Variants in GRAMD4 observed in about 807,000 individuals in gnomAD.
GRAMD4 encodes the protein GRAM domain-containing protein 4.
A neutral mutation model predicts 83.9 loss-of-function variants in GRAMD4; 25 were observed. That is an observed-to-expected ratio of 0.30 (90% CI 0.22 to 0.42). The LOEUF is 0.42. GRAMD4 is among the 10% of genes least tolerant of loss of function. The pLI is 1.00. For synonymous variants in GRAMD4, 336 were observed against 320.9 expected, an observed-to-expected ratio of 1.05 and a Z score of -0.50; for missense variants, 593 against 788.7, an observed-to-expected ratio of 0.75 and a Z score of 2.97.
At chr22:46,627,254 G>A (rs966911771) in intron 2 of GRAMD4, among the ~76,000 whole-genome samples, 13 of 152,236 alleles carry the variant, frequency 8.5e-5, no homozygotes, top group African/African-American at 2.7e-4. Context: ...CGGAAGCCTC[G>A]GCCTGGCCCT....
At chr22:46,668,250 AG>A (rs2082441279) in intron 11 of GRAMD4, 83 bp downstream of exon 11, 1 of 955,926 alleles carries the variant, frequency 1.0e-6, no homozygotes, top group African/African-American at 1.6e-5. Flanking sequence ...GGCCAGGGGT[AG>A]GTCTCCGCCG....
rs2082619034 is a variant in GRAMD4, at chr22:46,677,652, T to C, written c.*401T>C. The C allele has an allele frequency of 1.0e-6, 1 of 996,526 alleles. No homozygotes were observed. The highest frequency in any genetic ancestry group is 1.2e-6 in the Non-Finnish European group (1 of 836,718). The allele number at this position is 996,526 out of a possible 1,614,324, so 61.7% of individuals were successfully genotyped here. ...GTCCCGCTCTCCAGAGGCCAGAAGC[T>C]CGTCCACCACCAAAGCCATAGCTGA... On this transcript the variant is annotated 3_prime_UTR_variant, in exon 19 of 19. Transcript: ENST00000406902.
In GRAMD4 at chr22:46,663,191, G is replaced by A. The variant is rs1191358267; in HGVS notation, c.599+19G>A. ...CCCGCAGGTAGGGGTTCGCCGAGCT[G>A]GGGCTGCCTGTGCGTTAGGGGCCCC... On this transcript the variant is annotated intron_variant, in intron 6 of 18. Transcript: ENST00000406902. The A allele has an allele frequency of 6.2e-7, 1 of 1,604,116 alleles. No homozygotes were observed. The highest frequency in any genetic ancestry group is 2.2e-5 in the East Asian group (1 of 44,684).
chr22:46,583,843 G>A (rs1019489176), intron 1 of GRAMD4, among the ~76,000 whole-genome samples: 9 of 152,190 alleles, frequency 5.9e-5, no homozygotes, highest in African/African-American at 2.2e-4. Context: ...TTCCAGTACT[G>A]TTGCCTTTGG....
At chr22:46,654,815 G>A (rs2082218800) in intron 3 of GRAMD4, among the ~76,000 whole-genome samples, 1 of 152,212 alleles carries the variant, frequency 6.6e-6, no homozygotes, top group African/African-American at 2.4e-5. Context: ...CACCGGGGTG[G>A]TCCCTCCTCC....
chr22:46,674,080 T>G (rs2082557079), intron 15 of GRAMD4, among the ~76,000 whole-genome samples: 1 of 152,104 alleles, frequency 6.6e-6, no homozygotes, highest in Non-Finnish European at 1.5e-5. Context: ...GGCAACACAC[T>G]GGGGAGAGAG....
intron 10 of GRAMD4, among the ~76,000 whole-genome samples, 188 bp downstream of exon 10, chr22:46,667,061 G>A (rs994086665): frequency 6.6e-6 from 1 of 152,228 alleles, no homozygotes; most frequent in African/African-American, 2.4e-5. Context: ...CTGCGAGGCT[G>A]CAAGCCCGGC....
intron 8 of GRAMD4, among the ~76,000 whole-genome samples, chr22:46,665,099 T>C (rs530349271): frequency 6.6e-6 from 1 of 152,364 alleles, no homozygotes; most frequent in Admixed American, 6.5e-5. Context: ...CTGTGCCATG[T>C]CTGTTGTCAC....
Position 46,677,961 on chromosome 22 carries a change from C to T in GRAMD4, c.*710C>T, listed in dbSNP as rs554626634. On this transcript the variant is annotated 3_prime_UTR_variant, in exon 19 of 19. Transcript: ENST00000406902. ...TTGCTGGCCTCCAGGGCGCTCAGCA[C>T]CGCGTCTGTAAGGGCCTGCCTGCTG... The T allele has an allele frequency of 2.0e-6, 2 of 985,306 alleles. No individual in the cohort carries two copies. The highest frequency in any genetic ancestry group is 2.4e-6 in the Non-Finnish European group (2 of 829,850). 61.0% of individuals were successfully genotyped at this position (985,306 alleles called of 1,614,324 possible). A position where few individuals can be genotyped will look rare whatever the true frequency, so the allele number is the denominator to read the frequency against.
intron 2 of GRAMD4, among the ~76,000 whole-genome samples, chr22:46,628,961 G>A (rs1051310636): frequency 3.3e-5 from 5 of 152,040 alleles, no homozygotes; most frequent in African/African-American, 1.2e-4. Flanking sequence ...GGTGGTCCAC[G>A]AGGTACAAGG....
intron 1 of GRAMD4, among the ~76,000 whole-genome samples, chr22:46,582,923 T>C (rs2081112248): frequency 6.6e-6 from 1 of 152,170 alleles, no homozygotes; most frequent in South Asian, 2.1e-4. Context: ...TGACCACCTT[T>C]CTCTCTCTTT....
At position 46,679,333 on chromosome 22, in the gene GRAMD4, C is replaced by T. The variant is rs1025569874; in HGVS notation, c.*2082C>T. 1.9e-4 allele frequency: 187 copies of T among 984,998 alleles called. No individual in the cohort carries two copies. Among genetic ancestry groups the T allele is most frequent in the Non-Finnish European group, 2.2e-4 (181 of 829,924 alleles). 61.0% of individuals were successfully genotyped at this position (984,998 alleles called of 1,614,324 possible). ...GAGAAAGGGAGATGAAAACTGACCA[C>T]GTGCCAGGTGTGGCCGAAGCCCCCA... On this transcript the variant is annotated 3_prime_UTR_variant, in exon 19 of 19. Coordinates refer to ENST00000406902, the MANE Select transcript of GRAMD4 (RefSeq NM_015124.5).
At chr22:46,648,836 A>G (rs2082118045) in intron 3 of GRAMD4, among the ~76,000 whole-genome samples, 1 of 145,438 alleles carries the variant, frequency 6.9e-6, no homozygotes, top group African/African-American at 2.6e-5. Flanking sequence ...GGATGGATGG[A>G]TGGATGGATG....
intron 3 of GRAMD4, among the ~76,000 whole-genome samples, chr22:46,640,479 C>T (rs541892795): frequency 1.1e-4 from 16 of 152,202 alleles, no homozygotes; most frequent in Admixed American, 2.6e-4. Context: ...GAGCAGATCC[C>T]GGAGGAAATG....
upstream of GRAMD4, among the ~76,000 whole-genome samples, chr22:46,618,321 C>G (rs571908974): frequency 9.9e-5 from 15 of 152,166 alleles, no homozygotes; most frequent in African/African-American, 3.6e-4. This position sits in a 1 kb window ranked among gnomAD's most constrained non-coding sequence, Gnocchi z 5.8. Flanking sequence ...GAGGCACAAG[C>G]GCTAAACAAG....
intron 1 of GRAMD4, among the ~76,000 whole-genome samples, chr22:46,614,431 T>G (rs1437950456): frequency 6.6e-6 from 1 of 152,264 alleles, no homozygotes; most frequent in Non-Finnish European, 1.5e-5. Flanking sequence ...TGTGAAAATA[T>G]TCTGCCATTG....
exon 1 of GRAMD4, chr22:46,577,123 GCGCCGC>G (rs968662224): frequency 3.3e-4 from 65 of 199,450 alleles, no homozygotes; most frequent in Admixed American, 7.5e-4. Context: ...GCGCGACCTG[GCGCCGC>G]CGCCGCCTCC....
At chr22:46,589,850 C>G (rs2081189156) in intron 1 of GRAMD4, among the ~76,000 whole-genome samples, 1 of 152,160 alleles carries the variant, frequency 6.6e-6, no homozygotes, top group East Asian at 1.9e-4. Context: ...TGCTCCCCAG[C>G]AGCCTGACTG....
At chr22:46,603,717 T>C (rs1375242193) in intron 1 of GRAMD4, among the ~76,000 whole-genome samples, 17 of 138,262 alleles carry the variant, frequency 1.2e-4, no homozygotes, top group South Asian at 4.7e-4. Context: ...GGGGTTTCAA[T>C]GTGTTAGCCA....
Sources: gnomAD v4.1 joint callset for allele counts (sites outside exome capture counted in the v4.1 genomes callset) on GRCh38, gnomAD v4.1.1 for gene constraint, Gnocchi (gnomAD v3.1) non-coding constraint, MANE v1.5 for transcripts, NCBI Gene and HGNC (gene_info 2026-07-23, HGNC 2026-07-21) for gene names.